The following MBNL2 variants were observed in gnomAD, a reference collection of about 807,000 sequenced individuals.
MBNL2 encodes muscleblind like splicing regulator 2.
MBNL2 carries 17 observed loss-of-function variants against 41.9 expected under a neutral mutation model. That is an observed-to-expected ratio of 0.41 (90% CI 0.28 to 0.61). The LOEUF is 0.61. Ranked by LOEUF, MBNL2 falls within the 20% of genes least tolerant of loss-of-function variation. The pLI is 0.35. For missense variants in MBNL2, 336 were observed against 505.6 expected (o/e 0.66, Z 3.22); for synonymous variants, 195 against 182.9 (o/e 1.07, Z -0.53).
At chr13:97,371,661 G>A (rs572134875) in intron 8 of MBNL2, among the ~76,000 whole-genome samples, 2 of 152,208 alleles carry the variant, frequency 1.3e-5, no homozygotes, top group Admixed American at 6.5e-5. Context: ...GATTCGAGGC[G>A]GGAGAGTCTG....
At chr13:97,155,470 T>G in the MBNL2 span, among the ~76,000 whole-genome samples, 1 of 151,250 alleles carries the variant, frequency 6.6e-6, no homozygotes, top group East Asian at 2.0e-4. Context: ...TACGTATACA[T>G]GTGCCATGCT....
chr13:97,191,119 C>T, the MBNL2 span, among the ~76,000 whole-genome samples: 4 of 151,938 alleles, frequency 2.6e-5, no homozygotes, highest in East Asian at 1.9e-4. Context: ...GTCACCAGCA[C>T]CCTATGTAGA....
At chr13:97,326,956 G>C (rs1178574033) in intron 2 of MBNL2, among the ~76,000 whole-genome samples, 1 of 152,182 alleles carries the variant, frequency 6.6e-6, no homozygotes, top group African/African-American at 2.4e-5. Context: ...ACTGAGACCT[G>C]TATAAATGGA....
intron 3 of MBNL2, among the ~76,000 whole-genome samples, chr13:97,336,246 C>A (rs1011773811): frequency 1.3e-5 from 2 of 152,218 alleles, no homozygotes; most frequent in South Asian, 2.1e-4. Context: ...GTTTTTAAAT[C>A]ACTGGAAGTA....
At chr13:97,214,183 TC>T in the MBNL2 span, among the ~76,000 whole-genome samples, 26,188 of 151,936 alleles carry the variant, frequency 0.17, 3,004 homozygotes, top group African/African-American at 0.34. Flanking sequence ...AAATAGAAAA[TC>T]CTGATTCTGC....
In MBNL2 at chr13:97,222,528, C is replaced by T. The variant is rs1166112119; in HGVS notation, c.-608C>T. The T allele has an allele frequency of 2.5e-6, 1 of 398,386 alleles. No homozygotes were observed. The highest frequency in any genetic ancestry group is 2.1e-5 in the African/African-American group (1 of 48,628). 24.7% of individuals were successfully genotyped at this position (398,386 alleles called of 1,614,324 possible). On this transcript the variant is annotated 5_prime_UTR_variant, in exon 1 of 9. An upstream open reading frame in the 5' UTR gains an earlier in-frame stop. Coordinates refer to ENST00000679496, the MANE Select transcript of MBNL2 (RefSeq NM_001382683.1). Reference sequence around the variant, plus strand: ...AATGGGAAGGACAGGCAGAGCTAAACAAGGTAGGAGAATCGCCCCCCTTTT... The same window carrying T: ...AATGGGAAGGACAGGCAGAGCTAAATAAGGTAGGAGAATCGCCCCCCTTTT...
At chr13:97,251,278 G>C (rs1208114350) in intron 1 of MBNL2, among the ~76,000 whole-genome samples, 2 of 151,648 alleles carry the variant, frequency 1.3e-5, no homozygotes, top group African/African-American at 4.9e-5. Flanking sequence ...GTAACATGGA[G>C]AAAGGATAAA....
chr13:97,163,251 A>G, the MBNL2 span, among the ~76,000 whole-genome samples: 1 of 152,092 alleles, frequency 6.6e-6, no homozygotes, highest in Non-Finnish European at 1.5e-5. Context: ...TGTGGTTTGG[A>G]AAAAAGGACA....
chr13:97,223,958 T>A (rs2041201921), intron 1 of MBNL2, among the ~76,000 whole-genome samples: 1 of 152,238 alleles, frequency 6.6e-6, no homozygotes, highest in Non-Finnish European at 1.5e-5. Flanking sequence ...AGGAACATTC[T>A]AACTCCCCAC....
In MBNL2 at chr13:97,394,022, A is replaced by AGT. The variant is rs1236053238; in HGVS notation, c.*2573_*2574insGT. 7.9e-5 allele frequency: 12 copies of AGT among 152,594 alleles called. No individual in the cohort carries two copies. The highest frequency in any genetic ancestry group is 7.4e-5 in the Non-Finnish European group (5 of 68,014). The allele number at this position is 152,594 out of a possible 1,614,324, so 9.5% of individuals were successfully genotyped here. A position where few individuals can be genotyped will look rare whatever the true frequency, so the allele number is the denominator to read the frequency against. ...CCCTCATTCATTACCTTACAGTGTA[A>AGT]ACAGGAGTCTAATTTGTATCAATAC... On this transcript the variant is annotated 3_prime_UTR_variant, in exon 9 of 9. Transcript: ENST00000679496.
At chr13:97,212,843 C>T in the MBNL2 span, among the ~76,000 whole-genome samples, 1 of 152,178 alleles carries the variant, frequency 6.6e-6, no homozygotes, top group East Asian at 1.9e-4. Flanking sequence ...AGATGAGTAA[C>T]ACATTTTCCA....
intron 2 of MBNL2, among the ~76,000 whole-genome samples, chr13:97,328,863 C>A (rs537867979): frequency 6.6e-6 from 1 of 152,144 alleles, no homozygotes; most frequent in South Asian, 2.1e-4. Flanking sequence ...CAATTAGGAG[C>A]ATACTAGAAA....
At chr13:97,359,253 G>A (rs1324368172) in intron 7 of MBNL2, among the ~76,000 whole-genome samples, 1 of 151,386 alleles carries the variant, frequency 6.6e-6, no homozygotes, top group African/African-American at 2.4e-5. Context: ...AGACCTCTTG[G>A]CCACTAGATA....
At chr13:97,293,021 A>C (rs905010183) in intron 2 of MBNL2, among the ~76,000 whole-genome samples, 1 of 151,844 alleles carries the variant, frequency 6.6e-6, no homozygotes, top group Non-Finnish European at 1.5e-5. Flanking sequence ...CAGTTCTACA[A>C]AGGACAAATT....
intron 2 of MBNL2, among the ~76,000 whole-genome samples, chr13:97,287,915 TCTG>T (rs1387561834): frequency 2.3e-5 from 2 of 87,542 alleles, no homozygotes; most frequent in African/African-American, 3.4e-5. Flanking sequence ...CGGCTAATTT[TCTG>T]TTTTTTTTTT....
chr13:97,204,490 T>G, the MBNL2 span, among the ~76,000 whole-genome samples: 2 of 152,232 alleles, frequency 1.3e-5, no homozygotes, highest in African/African-American at 4.8e-5. Flanking sequence ...TAGCAAAGTA[T>G]TACCTATATC....
At chr13:97,328,622 T>C (rs1355411730) in intron 2 of MBNL2, among the ~76,000 whole-genome samples, 3 of 152,006 alleles carry the variant, frequency 2.0e-5, no homozygotes, top group Non-Finnish European at 4.4e-5. Context: ...TGCCGGTCAA[T>C]GACTCAGCCC....
At chr13:97,275,345 G>A (rs1039215953) in intron 1 of MBNL2, among the ~76,000 whole-genome samples, 5 of 152,156 alleles carry the variant, frequency 3.3e-5, no homozygotes, top group East Asian at 3.8e-4. Flanking sequence ...CTGTTTTGGC[G>A]ATTAAGCACA....
Position 97,334,148 on chromosome 13 carries a change from C to CGACACACACACA in MBNL2, c.175-128_175-127insGACACACACACA. The CGACACACACACA allele has an allele frequency of 1.8e-6, 1 of 546,456 alleles. No individual in the cohort carries two copies. Among genetic ancestry groups the CGACACACACACA allele is most frequent in the Non-Finnish European group, 3.2e-6 (1 of 311,686 alleles). 33.9% of individuals were successfully genotyped at this position (546,456 alleles called of 1,614,324 possible). The stretch of plus-strand genomic sequence containing the variant: ...AACACATGAGCATGCGCGCGCACAC[C>CGACACACACACA]CACACACACACACACACACACACAC... On this transcript the variant is annotated intron_variant, in intron 2 of 8. Transcript: ENST00000679496. The surrounding 1 kb of genome is among the most constrained non-coding windows in gnomAD (Gnocchi z 5.3).
Sources: gnomAD v4.1 joint callset for allele counts (sites outside exome capture counted in the v4.1 genomes callset) on GRCh38, gnomAD v4.1.1 for gene constraint, Gnocchi (gnomAD v3.1) non-coding constraint, MANE v1.5 for transcripts, NCBI Gene and HGNC (gene_info 2026-07-23, HGNC 2026-07-21) for gene names.